The following CENPE variants were observed in gnomAD, a reference collection of about 807,000 sequenced individuals.
CENPE encodes centromere protein E, also known as centromere-associated protein E.
A neutral mutation model predicts 336.1 loss-of-function variants in CENPE; 145 were observed. That is an observed-to-expected ratio of 0.43 (90% CI 0.38 to 0.50). The LOEUF is 0.50. Ranked by LOEUF, CENPE falls within the 20% of genes least tolerant of loss-of-function variation. The probability of loss-of-function intolerance (pLI) is 0.00; values close to 1 mark genes in which losing one functional copy is unlikely to be tolerated. For missense variants in CENPE, 2,719 were observed against 3,023.3 expected, an observed-to-expected ratio of 0.90 and a Z score of 2.36; for synonymous variants, 1,013 against 984.8, an observed-to-expected ratio of 1.03 and a Z score of -0.54.
At chr4:103,170,309 G>A (rs999350822) in intron 16 of CENPE, among the ~76,000 whole-genome samples, 3 of 151,962 alleles carry the variant, frequency 2.0e-5, no homozygotes, top group Non-Finnish European at 4.4e-5. Context: ...ACAACAAAGA[G>A]GAATCTCACA....
chr4:103,183,004 C>T (rs1756454332), intron 10 of CENPE, 113 bp from the exon 11 acceptor site: 2 of 1,143,812 alleles, frequency 1.7e-6, no homozygotes, highest in East Asian at 2.4e-5. Flanking sequence ...AATTAGTTTA[C>T]AAGTTATATG....
At position 103,160,642 on chromosome 4, in the gene CENPE, C is replaced by A; in HGVS notation, c.2269G>T (p.Glu757Ter). ...GTGTTTACCTCTTTCCTCAGCCTTT[C>A]TACTTCAGAAGGTAAAGATTTCAAT... ...SELKSLPSEVERLRKEIQDKS... is the reference protein window; with the variant it reads ...SELKSLPSEV The change falls in exon 21 of 49, where the codon GAA becomes TAA. Residue 757 changes from glutamate to a stop codon, truncating the protein, a stop_gained. Coordinates refer to ENST00000265148, the MANE Select transcript of CENPE (RefSeq NM_001813.3). LOFTEE classifies it high-confidence loss of function. 6.2e-7 allele frequency: 1 copy of A among 1,608,552 alleles called. No individual in the cohort carries two copies. The highest frequency in any genetic ancestry group is 1.1e-5 in the South Asian group (1 of 90,072).
intron 42 of CENPE, among the ~76,000 whole-genome samples, chr4:103,126,544 C>T: frequency 6.6e-6 from 1 of 152,122 alleles, no homozygotes; most frequent in Non-Finnish European, 1.5e-5. Flanking sequence ...AATTACAAGA[C>T]ATACTAGAGG....
At chr4:103,158,550 G>T in intron 23 of CENPE, 64 bp downstream of exon 23, 2 of 1,514,906 alleles carry the variant, frequency 1.3e-6, no homozygotes, top group Non-Finnish European at 1.8e-6. Context: ...AATAATAAAT[G>T]ATGGCCTCTG....
At chr4:103,112,884 GTATATAAGTGTACATATA>G (rs1749639829) in intron 46 of CENPE, among the ~76,000 whole-genome samples, 1 of 22,720 alleles carries the variant, frequency 4.4e-5, no homozygotes, top group African/African-American at 1.6e-4. Context: ...ATACTTATAA[GTATATAAGTGTACATATA>G]TACTTATAAG....
chr4:103,143,038 T>C (rs1752705359), intron 34 of CENPE, among the ~76,000 whole-genome samples: 1 of 150,820 alleles, frequency 6.6e-6, no homozygotes, highest in African/African-American at 2.4e-5. Flanking sequence ...GAAGTTGATG[T>C]TCTTTCTCCT....
intron 16 of CENPE, among the ~76,000 whole-genome samples, chr4:103,169,550 T>G (rs1295795020): frequency 6.6e-6 from 1 of 152,044 alleles, no homozygotes; most frequent in Non-Finnish European, 1.5e-5. Context: ...AAGAGGCAAA[T>G]AACATAGAAG....
intron 8 of CENPE, among the ~76,000 whole-genome samples, chr4:103,189,039 C>T (rs1306917392): frequency 6.6e-6 from 1 of 152,140 alleles, no homozygotes; most frequent in East Asian, 1.9e-4. Flanking sequence ...ACTAGAAAAT[C>T]TAGAAGAAAT....
chr4:103,182,732 A>C (rs1279082183), intron 11 of CENPE, 30 bp downstream of exon 11: 1 of 1,564,988 alleles, frequency 6.4e-7, no homozygotes, highest in African/African-American at 1.4e-5. Context: ...ATCTTCCCCT[A>C]TATTAAGCTG....
At position 103,111,107 on chromosome 4, in the gene CENPE, G is replaced by A. The variant is rs2720449; in HGVS notation, c.7541-96C>T. On this transcript the variant is annotated intron_variant, in intron 46 of 48. Coordinates refer to ENST00000265148, the MANE Select transcript of CENPE (RefSeq NM_001813.3). ...ACCAAGTACAATAAGCCATTATAGA[G>A]ACCCAAACAGCTCAAGTCTTATTTC... 0.19 allele frequency: 161,111 copies of A among 836,336 alleles called. 16,908 individuals carry two copies. The highest frequency in any genetic ancestry group is 0.21 in the Non-Finnish European group (116,722 of 553,608). 51.8% of individuals were successfully genotyped at this position (836,336 alleles called of 1,614,324 possible). A position where few individuals can be genotyped will look rare whatever the true frequency, so the allele number is the denominator to read the frequency against.
chr4:103,137,392 A>G (rs1752159990), intron 39 of CENPE, among the ~76,000 whole-genome samples: 1 of 152,204 alleles, frequency 6.6e-6, no homozygotes, highest in Non-Finnish European at 1.5e-5. Context: ...GTAATCATGT[A>G]GTAGGTAACA....
intron 39 of CENPE, 39 bp from the exon 40 acceptor site, chr4:103,136,398 A>G: frequency 7.2e-7 from 1 of 1,383,320 alleles, no homozygotes; most frequent in Non-Finnish European, 1.0e-6. Flanking sequence ...ATAACAATTC[A>G]TTCTAATATC....
intron 34 of CENPE, among the ~76,000 whole-genome samples, chr4:103,142,824 A>G (rs1752681055): frequency 6.6e-6 from 1 of 152,030 alleles, no homozygotes; most frequent in South Asian, 2.1e-4. Context: ...CCTGGTCAAC[A>G]CGGTGAAACC....
chr4:103,178,163 T>C (rs1369994394), intron 13 of CENPE, among the ~76,000 whole-genome samples: 2 of 151,882 alleles, frequency 1.3e-5, no homozygotes, highest in Admixed American at 1.3e-4. Context: ...CCACTCTCTG[T>C]CCCTTACATG....
At chr4:103,110,488 G>A (rs1352573092) in intron 47 of CENPE, among the ~76,000 whole-genome samples, 1 of 152,070 alleles carries the variant, frequency 6.6e-6, no homozygotes, top group East Asian at 1.9e-4. Context: ...AAAGTAAAAA[G>A]CCTACAATAA....
chr4:103,141,092 TA>T lies in CENPE; in HGVS notation c.5475del (p.Lys1826ArgfsTer10). On this transcript the variant is annotated frameshift_variant, in exon 36 of 49. Transcript: ENST00000265148. LOFTEE classifies it high-confidence loss of function. ...NAKLQEKIQE[L>X]KANEHQLITL... ...GTAATAAGTTGATGTTCATTTGCCT[TA>T]AGTTCTTGAATCTTAAGATAATCAT... is the stretch of plus-strand genomic sequence containing the variant. 1 of 1,546,568 alleles carries T rather than the reference TA, an allele frequency of 6.5e-7. No homozygotes were observed. The highest frequency in any genetic ancestry group is 1.2e-5 in the South Asian group (1 of 83,478).
At chr4:103,106,901 G>A (rs1253699037) in intron 48 of CENPE, among the ~76,000 whole-genome samples, 1 of 151,956 alleles carries the variant, frequency 6.6e-6, no homozygotes, top group Non-Finnish European at 1.5e-5. Context: ...AATTCAAGCT[G>A]GGACTATCTC....
chr4:103,168,288 C>T (rs568408960), intron 16 of CENPE, among the ~76,000 whole-genome samples: 2 of 151,384 alleles, frequency 1.3e-5, no homozygotes, highest in African/African-American at 2.4e-5. Flanking sequence ...AGCACCTGCC[C>T]CAGCCACCAG....
intron 9 of CENPE, among the ~76,000 whole-genome samples, chr4:103,183,951 C>A (rs1444699548): frequency 6.6e-6 from 1 of 152,140 alleles, no homozygotes; most frequent in African/African-American, 2.4e-5. Context: ...TCGGTAAACA[C>A]TGATCTTTTT....
Sources: allele counts gnomAD v4.1 joint callset (sites outside exome capture counted in the v4.1 genomes callset), GRCh38; gene constraint gnomAD v4.1.1; transcripts MANE v1.5; gene names NCBI Gene and HGNC (gene_info 2026-07-23, HGNC 2026-07-21).